Variants in NUSAP1 observed in about 807,000 individuals in gnomAD.
The protein encoded by NUSAP1 is nucleolar and spindle-associated protein 1.
In NUSAP1, 32 loss-of-function variants were observed where a neutral mutation model predicts 52.8. That is an observed-to-expected ratio of 0.61 (90% CI 0.46 to 0.81). The LOEUF (loss-of-function observed/expected upper bound fraction) is 0.81. NUSAP1 is among the 40% of genes least tolerant of loss of function. NUSAP1 has a pLI of 0.00. For synonymous variants in NUSAP1, 195 were observed against 183.1 expected, an observed-to-expected ratio of 1.06 and a Z score of -0.52; for missense variants, 499 against 522.3, an observed-to-expected ratio of 0.96 and a Z score of 0.43.
At chr15:41,348,366 ACT>A (rs1479524714) in intron 2 of NUSAP1, among the ~76,000 whole-genome samples, 2 of 152,052 alleles carry the variant, frequency 1.3e-5, no homozygotes, top group African/African-American at 2.4e-5. Flanking sequence ...GGTGTGAGCC[ACT>A]GGCCCGGCTT....
At chr15:41,374,017 G>A (rs960782746) in intron 8 of NUSAP1, among the ~76,000 whole-genome samples, 8 of 152,018 alleles carry the variant, frequency 5.3e-5, no homozygotes, top group African/African-American at 1.2e-4. Flanking sequence ...CTGAAACCCC[G>A]TCTCTACTAA....
In NUSAP1 at chr15:41,371,649, A is replaced by G; in HGVS notation, c.971A>G (p.His324Arg). ...TPKGEAVLGT[H>R]KLKTITGNSA... ...AAAGGCGAGGCTGTGCTTGGGACAC[A>G]CAAATTAAAGACCATCACGGGGAAT... is the stretch of plus-strand genomic sequence containing the variant. Residue 324 changes from histidine (H) to arginine (R), a missense_variant, in exon 8 of 11, where the codon CAC becomes CGC. His to Arg is a conservative substitution (Grantham distance 29, BLOSUM62 0). Transcript: ENST00000559596. The G allele has an allele frequency of 6.3e-7, 1 of 1,596,292 alleles. No individual in the cohort carries two copies. Among genetic ancestry groups the G allele is most frequent in the Non-Finnish European group, 8.5e-7 (1 of 1,175,364 alleles).
chr15:41,373,506 G>A (rs1247265016), intron 8 of NUSAP1, among the ~76,000 whole-genome samples: 2 of 140,216 alleles, frequency 1.4e-5, no homozygotes, highest in Admixed American at 7.4e-5. Context: ...CTGGAGTGCA[G>A]TGGCACCATC....
At chr15:41,359,963 CTT>C (rs796686073) in intron 6 of NUSAP1, among the ~76,000 whole-genome samples, 2 of 145,528 alleles carry the variant, frequency 1.4e-5, no homozygotes. Flanking sequence ...GTTTGTCAAA[CTT>C]TTTTTTTTTT....
intron 7 of NUSAP1, among the ~76,000 whole-genome samples, chr15:41,370,242 C>T (rs566146267): frequency 6.8e-4 from 104 of 152,020 alleles, no homozygotes; most frequent in African/African-American, 2.2e-3. Context: ...AATAGCCGGG[C>T]GTAGTGGCGG....
Position 41,380,297 on chromosome 15 carries a change from CTG to C in NUSAP1, c.*113_*114del. 1.4e-6 allele frequency: 1 copy of C among 690,708 alleles called. No homozygotes were observed. The highest frequency in any genetic ancestry group is 2.5e-6 in the Non-Finnish European group (1 of 401,250). 42.8% of individuals were successfully genotyped at this position (690,708 alleles called of 1,614,324 possible). On this transcript the variant is annotated 3_prime_UTR_variant, in exon 11 of 11. Transcript: ENST00000559596. ...TAGTCACGAGATCTTTTTCTGCTAA[CTG>C]TTCATAGTCTGTGTAGTGTCCATGG... is the stretch of plus-strand genomic sequence containing the variant.
At chr15:41,363,397 CAG>C (rs564800847) in intron 6 of NUSAP1, among the ~76,000 whole-genome samples, 50 of 150,526 alleles carry the variant, frequency 3.3e-4, no homozygotes, top group African/African-American at 1.1e-3. Context: ...TTTTTTTAGA[CAG>C]AGTCTCACCC....
At chr15:41,362,098 C>T (rs1379331219) in intron 6 of NUSAP1, among the ~76,000 whole-genome samples, 4 of 152,052 alleles carry the variant, frequency 2.6e-5, no homozygotes, top group Non-Finnish European at 5.9e-5. Flanking sequence ...GCCTATTATC[C>T]CACCTACTTG....
At chr15:41,345,951 A>G (rs2140576060) in intron 2 of NUSAP1, among the ~76,000 whole-genome samples, 1 of 152,042 alleles carries the variant, frequency 6.6e-6, no homozygotes, top group African/African-American at 2.4e-5. Flanking sequence ...TCAACCGTCT[A>G]CTTCTCTGGG....
Position 41,380,583 on chromosome 15 carries a change from A to C in NUSAP1, c.*397A>C, listed in dbSNP as rs2050170879. ...CAAGCTTCAGGAGAATTTGAACAAT[A>C]ACAAGAATAGGGTAAGCTGGGATAG... is the stretch of plus-strand genomic sequence containing the variant. On this transcript the variant is annotated 3_prime_UTR_variant, in exon 11 of 11. Coordinates refer to ENST00000559596, the MANE Select transcript of NUSAP1 (RefSeq NM_016359.5). The C allele has an allele frequency of 6.0e-6, 1 of 167,958 alleles. No individual in the cohort carries two copies. The highest frequency in any genetic ancestry group is 1.3e-5 in the Non-Finnish European group (1 of 78,112). 10.4% of individuals were successfully genotyped at this position (167,958 alleles called of 1,614,324 possible). A position where few individuals can be genotyped will look rare whatever the true frequency, so the allele number is the denominator to read the frequency against.
chr15:41,350,849 A>T, intron 3 of NUSAP1, 139 bp from the exon 4 acceptor site: 1 of 690,804 alleles, frequency 1.4e-6, no homozygotes, highest in Non-Finnish European at 2.4e-6. Flanking sequence ...AAGGCAGAGA[A>T]CCAAATCTGC....
chr15:41,346,708 T>A (rs542322736), intron 2 of NUSAP1, among the ~76,000 whole-genome samples: 97 of 151,684 alleles, frequency 6.4e-4, no homozygotes, highest in African/African-American at 2.3e-3. Context: ...GCACCTGTAG[T>A]CCCAGCTACT....
intron 9 of NUSAP1, among the ~76,000 whole-genome samples, chr15:41,376,710 A>G (rs2049952875): frequency 2.7e-5 from 4 of 150,264 alleles, no homozygotes; most frequent in African/African-American, 9.8e-5. Flanking sequence ...AAAAATAATA[A>G]TAATTAAATT....
rs1247307793 is a variant in NUSAP1, at chr15:41,375,834, T to G, written c.1123+6T>G. The G allele has an allele frequency of 1.3e-6, 2 of 1,584,238 alleles. No individual in the cohort carries two copies. Among genetic ancestry groups the G allele is most frequent in the South Asian group, 2.2e-5 (2 of 90,432 alleles). On this transcript the variant is annotated splice_donor_region_variant and intron_variant, in intron 9 of 10. Transcript: ENST00000559596. ...CAACTATGAACCACACAAAGGTATG[T>G]GGGAGTGTTTTGAGCTACAGGGCCT...
chr15:41,352,737 A>T (rs564446149), intron 4 of NUSAP1, among the ~76,000 whole-genome samples: 1 of 151,922 alleles, frequency 6.6e-6, no homozygotes, highest in Non-Finnish European at 1.5e-5. Flanking sequence ...TTGTATTTTT[A>T]GTAGAGACAG....
intron 4 of NUSAP1, among the ~76,000 whole-genome samples, chr15:41,353,593 T>C (rs1014112897): frequency 2.4e-4 from 37 of 152,172 alleles, no homozygotes; most frequent in Admixed American, 1.9e-3. Context: ...ACTTTAGAAA[T>C]GGTATTTCTT....
chr15:41,342,490 C>T (rs1595533424), intron 2 of NUSAP1, 36 bp downstream of exon 2: 1 of 1,409,332 alleles, frequency 7.1e-7, no homozygotes, highest in East Asian at 2.4e-5. Context: ...TGTTAGCTAG[C>T]AAAATAATCA....
At chr15:41,366,343 T>G (rs1595585936) in intron 7 of NUSAP1, among the ~76,000 whole-genome samples, 1 of 149,400 alleles carries the variant, frequency 6.7e-6, no homozygotes, top group African/African-American at 2.5e-5. Flanking sequence ...CAGGCTGGAG[T>G]GCAGTGACGA....
At position 41,375,751 on chromosome 15, in the gene NUSAP1, C is replaced by T. The variant is rs1038929109; in HGVS notation, c.1046C>T (p.Thr349Ile). ...PFKLTTEATQ[T>I]PVSNKKPVFD... ...AAGTTGACAACTGAGGCAACGCAGA[C>T]TCCAGTCTCCAATAAGAAACCAGTG... Residue 349 changes from threonine (T) to isoleucine (I), a missense_variant, in exon 9 of 11, where the codon ACT becomes ATT. By Grantham distance (89) the Thr-to-Ile change is moderately conservative. Transcript: ENST00000559596. The T allele has an allele frequency of 6.2e-7, 1 of 1,613,884 alleles. No homozygotes were observed. The highest frequency in any genetic ancestry group is 8.5e-7 in the Non-Finnish European group (1 of 1,179,774).
Sources: gnomAD v4.1 joint callset for allele counts (sites outside exome capture counted in the v4.1 genomes callset) on GRCh38, gnomAD v4.1.1 for gene constraint, MANE v1.5 for transcripts, NCBI Gene and HGNC (gene_info 2026-07-23, HGNC 2026-07-21) for gene names.